DOCK11: variants seen among roughly 807,000 people sequenced by gnomAD.
DOCK11 encodes the protein dedicator of cytokinesis 11.
DOCK11 carries 70 observed loss-of-function variants against 169.1 expected under a neutral mutation model. That is an observed-to-expected ratio of 0.41 (90% CI 0.34 to 0.51). The LOEUF is 0.51. DOCK11 is among the 20% of genes least tolerant of loss of function. The probability of loss-of-function intolerance (pLI) is 0.10; values close to 1 mark genes in which losing one functional copy is unlikely to be tolerated. For missense variants in DOCK11, 1,166 were observed against 1,538.8 expected, an observed-to-expected ratio of 0.76 and a Z score of 4.05; for synonymous variants, 529 against 541.3, an observed-to-expected ratio of 0.98 and a Z score of 0.32.
intron 1 of DOCK11, among the ~76,000 whole-genome samples, chrX:118,501,402 C>G (rs1288560031): frequency 8.9e-6 from 1 of 112,011 alleles, no homozygotes; most frequent in Admixed American, 9.5e-5. Context: ...AGGAGAATCG[C>G]TTGAACCCAG....
intron 18 of DOCK11, among the ~76,000 whole-genome samples, chrX:118,589,194 A>G (rs1453349403): frequency 1.8e-5 from 2 of 110,391 alleles, no homozygotes; most frequent in Admixed American, 9.7e-5. Context: ...TAATTGAATA[A>G]TAGCCCCTAC....
At chrX:118,605,462 C>T (rs2014472882) in intron 24 of DOCK11, 106 bp downstream of exon 24, 1 of 509,704 alleles carries the variant, frequency 2.0e-6, no homozygotes, top group African/African-American at 2.5e-5. Flanking sequence ...ACTGCTGTTG[C>T]ATTCCATAGG....
chrX:118,668,046 A>G (rs1405278942), intron 45 of DOCK11, among the ~76,000 whole-genome samples: 1 of 112,166 alleles, frequency 8.9e-6, no homozygotes, highest in Non-Finnish European at 1.9e-5. Flanking sequence ...GATTTTCTAC[A>G]TATACAATTA....
chrX:118,528,491 G>A (rs977654876), intron 1 of DOCK11, among the ~76,000 whole-genome samples: 1 of 111,429 alleles, frequency 9.0e-6, no homozygotes, highest in Non-Finnish European at 1.9e-5. Context: ...CATTTTAGCT[G>A]GAGAATGTAC....
intron 45 of DOCK11, among the ~76,000 whole-genome samples, chrX:118,669,209 T>C (rs1177038538): frequency 1.8e-5 from 2 of 111,293 alleles, no homozygotes; most frequent in Non-Finnish European, 3.8e-5. Flanking sequence ...ATTTTGCACC[T>C]TAGCAATGAG....
At position 118,580,325 on chromosome X, in the gene DOCK11, G is replaced by T. The variant is rs772232914; in HGVS notation, c.1595+146G>T. 195 of 475,175 alleles carry T rather than the reference G, an allele frequency of 4.1e-4. No homozygotes were observed. The African/African-American group carries it at 4.2e-3, about 10-fold the overall frequency. 39.2% of individuals were successfully genotyped at this position (475,175 alleles called of 1,213,427 possible). A position where few individuals can be genotyped will look rare whatever the true frequency, so the allele number is the denominator to read the frequency against. On this transcript the variant is annotated intron_variant, in intron 14 of 52. Coordinates refer to ENST00000276202, the MANE Select transcript of DOCK11 (RefSeq NM_144658.4). ...GGATGTAATAATTATTATTTTTGTT[G>T]TTGTTTTTGAGACGGAGTTTCGCTC...
intron 1 of DOCK11, among the ~76,000 whole-genome samples, chrX:118,511,667 CAG>C (rs2057651493): frequency 9.0e-6 from 1 of 111,275 alleles, no homozygotes; most frequent in South Asian, 3.8e-4. Context: ...AGCTTCATGA[CAG>C]AGTTGACGCC....
chrX:118,496,539 A>G (rs2057539019), intron 1 of DOCK11, among the ~76,000 whole-genome samples: 1 of 112,435 alleles, frequency 8.9e-6, no homozygotes, highest in Admixed American at 9.3e-5. Flanking sequence ...GCACACATAC[A>G]CACACTGTGT....
At chrX:118,641,341 T>A (rs1196032852) in intron 39 of DOCK11, 36 bp downstream of exon 39, 15 of 1,009,430 alleles carry the variant, frequency 1.5e-5, no homozygotes, top group Non-Finnish European at 2.1e-5. Flanking sequence ...TTGGTACCAT[T>A]GCAAAGTAAC....
At chrX:118,526,980 A>T (rs1488749253) in intron 1 of DOCK11, among the ~76,000 whole-genome samples, 1 of 111,881 alleles carries the variant, frequency 8.9e-6, no homozygotes, top group African/African-American at 3.3e-5. Context: ...AAAAACATAT[A>T]AGTGATGTCC....
chrX:118,658,870 A>C (rs1348986934), intron 44 of DOCK11, among the ~76,000 whole-genome samples: 3 of 111,793 alleles, frequency 2.7e-5, no homozygotes, highest in Non-Finnish European at 3.8e-5. Context: ...AAGTCTCTGC[A>C]TTCTTTCACC....
intron 1 of DOCK11, among the ~76,000 whole-genome samples, chrX:118,505,275 C>T (rs1370507120): frequency 8.9e-6 from 1 of 112,225 alleles, no homozygotes. Context: ...GATCCGCCTG[C>T]CTCGGCCTCC....
chrX:118,522,431 A>T (rs2011287183), intron 1 of DOCK11, among the ~76,000 whole-genome samples: 1 of 112,136 alleles, frequency 8.9e-6, no homozygotes, highest in Non-Finnish European at 1.9e-5. Context: ...TTAAAATAAC[A>T]CACTTATTAT....
intron 35 of DOCK11, among the ~76,000 whole-genome samples, chrX:118,634,751 G>T (rs2015343538): frequency 8.9e-6 from 1 of 111,815 alleles, no homozygotes; most frequent in African/African-American, 3.3e-5. Flanking sequence ...TTTTTAGATG[G>T]AGTCTCACTC....
intron 31 of DOCK11, among the ~76,000 whole-genome samples, chrX:118,623,263 C>G (rs775629875): frequency 1.8e-5 from 2 of 111,747 alleles, no homozygotes; most frequent in South Asian, 7.6e-4. Flanking sequence ...ACTGTATTCA[C>G]ATATTTAAAG....
intron 1 of DOCK11, 145 bp from the exon 2 acceptor site, chrX:118,542,580 A>ATT (rs1251099801): frequency 4.2e-6 from 2 of 479,421 alleles, no homozygotes; most frequent in Non-Finnish European, 7.3e-6. Context: ...TATGAAGACT[A>ATT]TTTCTCTTGT....
At chrX:118,594,678 G>A (rs778773202) in intron 20 of DOCK11, among the ~76,000 whole-genome samples, 26 of 111,314 alleles carry the variant, frequency 2.3e-4, no homozygotes, top group Non-Finnish European at 4.5e-4. Flanking sequence ...TGAGTCCTGC[G>A]TAAACAATTA....
intron 16 of DOCK11, among the ~76,000 whole-genome samples, chrX:118,587,255 T>C (rs2013844835): frequency 9.0e-6 from 1 of 111,693 alleles, no homozygotes; most frequent in Non-Finnish European, 1.9e-5. Flanking sequence ...GTTCTATATA[T>C]AGTGTAGGAT....
In DOCK11 at chrX:118,579,795, G is replaced by A. The variant is rs548294584; in HGVS notation, c.1513-302G>A. Among the ~76,000 whole-genome samples, 7 of 111,926 alleles carry A rather than the reference G, an allele frequency of 6.3e-5. No homozygotes were observed. In the South Asian group the frequency reaches 2.6e-3, roughly 41 times the overall value. On this transcript the variant is annotated intron_variant, in intron 13 of 52. Coordinates refer to ENST00000276202, the MANE Select transcript of DOCK11 (RefSeq NM_144658.4). ...GCCTGCTATGTGAAGTAAAGTACATGTTAAAACCACTGAACATTTTTCCAG... is the reference window on the plus strand; with the variant it reads ...GCCTGCTATGTGAAGTAAAGTACATATTAAAACCACTGAACATTTTTCCAG...
Sources: allele counts gnomAD v4.1 joint callset (sites outside exome capture counted in the v4.1 genomes callset), GRCh38; gene constraint gnomAD v4.1.1; transcripts MANE v1.5; gene names NCBI Gene and HGNC (gene_info 2026-07-23, HGNC 2026-07-21).